MYLK: variants seen among roughly 807,000 people sequenced by gnomAD.
MYLK encodes the protein myosin light chain kinase, smooth muscle.
In MYLK, 106 loss-of-function variants were observed where a neutral mutation model predicts 203.4. The ratio of observed to expected loss-of-function variants is 0.52; its 90% CI spans 0.45 to 0.61. The LOEUF (loss-of-function observed/expected upper bound fraction) is 0.61. Among genes scored for constraint, MYLK ranks in the 20% least tolerant of loss-of-function variants. The probability of loss-of-function intolerance (pLI) is 0.00; values close to 1 mark genes in which losing one functional copy is unlikely to be tolerated. For synonymous variants in MYLK, 867 were observed against 959.5 expected, an observed-to-expected ratio of 0.90 and a Z score of 1.78; for missense variants, 2,072 against 2,442.3, an observed-to-expected ratio of 0.85 and a Z score of 3.20.
intron 20 of MYLK, among the ~76,000 whole-genome samples, chr3:123,679,966 C>T (rs992248924): frequency 6.6e-6 from 1 of 152,158 alleles, no homozygotes; most frequent in African/African-American, 2.4e-5. Context: ...CAGCTGGTTT[C>T]CAGCTTGACT....
At chr3:123,726,184 G>A in intron 11 of MYLK, 106 bp from the exon 12 acceptor site, 4 of 1,466,940 alleles carry the variant, frequency 2.7e-6, no homozygotes, top group Non-Finnish European at 3.7e-6. Flanking sequence ...TGGACACCTG[G>A]GTACCCTCGG....
Position 123,739,033 on chromosome 3 carries a change from G to A in MYLK, c.452C>T (p.Thr151Ile), listed in dbSNP as rs1028014401. 5 of 1,613,796 alleles carry A rather than the reference G, an allele frequency of 3.1e-6. No individual in the cohort carries two copies. Among genetic ancestry groups the A allele is most frequent in the African/African-American group, 2.7e-5 (2 of 74,888 alleles). Residue 151 changes from threonine to isoleucine, a missense_variant, in exon 7 of 34, where the codon ACC becomes ATC. By Grantham distance (89) the Thr-to-Ile change is moderately conservative. Around this residue, in one of 3 missense-constraint regions of MYLK, gnomAD observed 683 missense variants for 643.8 expected, o/e 1.06. Coordinates refer to ENST00000360304, the MANE Select transcript of MYLK (RefSeq NM_053025.4). ...GCACTCCCCCCAGATGCTAGGACGG[G>A]TCTCCACTGCTGGAGCTGAAAATCT... ...GDRFSAPAVE[T>I]RPSIWGECPP...
chr3:123,786,167 G>A (rs942568465), intron 4 of MYLK, among the ~76,000 whole-genome samples: 4 of 151,900 alleles, frequency 2.6e-5, no homozygotes, highest in African/African-American at 9.7e-5. Context: ...GCCGGGTGTG[G>A]TGGCACGCGC....
chr3:123,679,141 T>C (rs2060172925), intron 20 of MYLK, among the ~76,000 whole-genome samples: 1 of 152,096 alleles, frequency 6.6e-6, no homozygotes, highest in Admixed American at 6.6e-5. Context: ...ACCCCATCTC[T>C]ACTAAAAATA....
intron 2 of MYLK, among the ~76,000 whole-genome samples, chr3:123,864,166 T>G (rs546277639): frequency 1.3e-5 from 2 of 152,306 alleles, no homozygotes; most frequent in East Asian, 3.9e-4. Context: ...CCTTAAATAT[T>G]AGAATAATGG....
At chr3:123,631,951 G>T (rs1258099501) in intron 29 of MYLK, among the ~76,000 whole-genome samples, 3 of 151,078 alleles carry the variant, frequency 2.0e-5, no homozygotes. Context: ...CTCACTGCAA[G>T]CTCTGCCCCC....
At chr3:123,617,283 A>G (rs2057555261) in intron 33 of MYLK, 1 of 152,258 alleles carries the variant, frequency 6.6e-6, no homozygotes, top group Admixed American at 6.5e-5. Context: ...AATGATAATC[A>G]TTATGTTATT....
At chr3:123,794,669 G>A (rs2064920232) in intron 3 of MYLK, among the ~76,000 whole-genome samples, 2 of 152,186 alleles carry the variant, frequency 1.3e-5, no homozygotes, top group South Asian at 4.1e-4. Context: ...GCTGGCAAGG[G>A]TAGCAGAACA....
At chr3:123,876,655 A>G (rs993115390) in intron 1 of MYLK, 38 bp from the exon 2 acceptor site, 1 of 152,248 alleles carries the variant, frequency 6.6e-6, no homozygotes, top group African/African-American at 2.4e-5. Context: ...AAACAATTAC[A>G]TAGTGAAACA....
intron 2 of MYLK, among the ~76,000 whole-genome samples, chr3:123,861,582 T>C (rs917578848): frequency 1.3e-5 from 2 of 152,234 alleles, no homozygotes; most frequent in African/African-American, 4.8e-5. Context: ...AAAGCATTTA[T>C]CCATATGACT....
chr3:123,678,172 C>T (rs1006115795), intron 20 of MYLK, among the ~76,000 whole-genome samples: 8 of 151,896 alleles, frequency 5.3e-5, no homozygotes, highest in Admixed American at 2.0e-4. Flanking sequence ...CACAGGCACT[C>T]GGTAGACTCT....
intron 20 of MYLK, among the ~76,000 whole-genome samples, chr3:123,677,935 A>G (rs1399028263): frequency 1.4e-5 from 2 of 145,182 alleles, no homozygotes; most frequent in Non-Finnish European, 3.0e-5. Flanking sequence ...ACACACACAC[A>G]GAGTACATCC....
chr3:123,657,497 C>T, intron 23 of MYLK, 69 bp from the exon 24 acceptor site: 5 of 1,526,444 alleles, frequency 3.3e-6, no homozygotes, highest in Non-Finnish European at 4.5e-6. Flanking sequence ...TTTTGAATTA[C>T]CTGTGTCATG....
chr3:123,727,171 C>T (rs2062319584), intron 11 of MYLK, among the ~76,000 whole-genome samples: 1 of 152,226 alleles, frequency 6.6e-6, no homozygotes, highest in Admixed American at 6.5e-5. Context: ...GACTGTACAG[C>T]TGCACTTTCT....
chr3:123,730,623 A>G (rs1000995449), intron 11 of MYLK, among the ~76,000 whole-genome samples: 2 of 152,262 alleles, frequency 1.3e-5, no homozygotes, highest in Non-Finnish European at 2.9e-5. Context: ...GAACCCTGAA[A>G]ACATTAAGCT....
chr3:123,682,352 G>A (rs1234309247), intron 19 of MYLK, 42 bp from the exon 20 acceptor site: 2 of 1,464,832 alleles, frequency 1.4e-6, no homozygotes, highest in Non-Finnish European at 1.9e-6. Context: ...CAGCTGCTGA[G>A]GAAATGAGCA....
intron 2 of MYLK, among the ~76,000 whole-genome samples, chr3:123,866,238 A>C (rs2032317590): frequency 6.6e-6 from 1 of 152,094 alleles, no homozygotes; most frequent in Admixed American, 6.6e-5. Context: ...ACTGGAACAA[A>C]CCCTGCAGAA....
intron 29 of MYLK, among the ~76,000 whole-genome samples, chr3:123,635,907 G>A (rs2058625675): frequency 1.3e-5 from 2 of 152,146 alleles, no homozygotes; most frequent in African/African-American, 4.8e-5. Context: ...ACATAACACT[G>A]AGAATAAACA....
chr3:123,827,694 CATATATATATATATATAT>C (rs3052386), intron 3 of MYLK, among the ~76,000 whole-genome samples: 2,146 of 24,288 alleles, frequency 0.088, 95 homozygotes, highest in South Asian at 0.13. Flanking sequence ...TGAAAAACAC[CATATATATATATATATAT>C]ATATATATAT....
Sources: allele counts gnomAD v4.1 joint callset (sites outside exome capture counted in the v4.1 genomes callset), GRCh38; gene constraint gnomAD v4.1.1; regional missense constraint gnomAD v4.1.1; transcripts MANE v1.5; gene names NCBI Gene and HGNC (gene_info 2026-07-23, HGNC 2026-07-21).